Variants in GALNT17 observed in about 807,000 individuals in gnomAD.
GALNT17 encodes polypeptide N-acetylgalactosaminyltransferase 17.
A neutral mutation model predicts 63.7 loss-of-function variants in GALNT17; 29 were observed. The observed-to-expected ratio is 0.46, with a 90% CI of 0.34 to 0.62. GALNT17 has a LOEUF of 0.62. GALNT17 is among the 20% of genes least tolerant of loss of function. GALNT17 has a pLI of 0.01. For missense variants in GALNT17, 603 were observed against 799.6 expected, an observed-to-expected ratio of 0.75 and a Z score of 2.97; for synonymous variants, 305 against 318.3, an observed-to-expected ratio of 0.96 and a Z score of 0.45.
chr7:71,145,354 G>A (rs1368244600), intron 1 of GALNT17, among the ~76,000 whole-genome samples: 2 of 152,094 alleles, frequency 1.3e-5, no homozygotes, highest in Non-Finnish European at 1.5e-5. Flanking sequence ...AACCTAGCTG[G>A]GCATGGTGGT....
chr7:71,453,543 C>T (rs1005873314), intron 5 of GALNT17, among the ~76,000 whole-genome samples: 1 of 152,130 alleles, frequency 6.6e-6, no homozygotes, highest in Non-Finnish European at 1.5e-5. Context: ...TTGGGGGAAA[C>T]TTCCCCCATG....
At chr7:71,270,878 A>G (rs1264413480) in intron 1 of GALNT17, among the ~76,000 whole-genome samples, 1 of 152,080 alleles carries the variant, frequency 6.6e-6, no homozygotes, top group Non-Finnish European at 1.5e-5. Flanking sequence ...TAATTTAAGT[A>G]ATTTAAATTC....
chr7:71,351,323 T>C (rs1792185484), intron 2 of GALNT17, among the ~76,000 whole-genome samples: 1 of 152,030 alleles, frequency 6.6e-6, no homozygotes, highest in African/African-American at 2.4e-5. Context: ...CCATAGCATG[T>C]GGGATTGTGG....
At chr7:71,331,070 G>A (rs1231057693) in intron 1 of GALNT17, among the ~76,000 whole-genome samples, 2 of 152,056 alleles carry the variant, frequency 1.3e-5, no homozygotes, top group South Asian at 2.1e-4. Flanking sequence ...GATGTCCCAC[G>A]GATGCCTCGT....
chr7:71,231,875 C>T (rs889723272), intron 1 of GALNT17, among the ~76,000 whole-genome samples: 1 of 151,886 alleles, frequency 6.6e-6, no homozygotes, highest in Non-Finnish European at 1.5e-5. Flanking sequence ...TAATTACCTC[C>T]CAAAGGCCCC....
chr7:71,143,878 T>TA (rs373113522), intron 1 of GALNT17, among the ~76,000 whole-genome samples: 73 of 142,422 alleles, frequency 5.1e-4, no homozygotes, highest in South Asian at 2.0e-3. Context: ...CATCTCTATT[T>TA]AAAAAAAAAA....
chr7:71,561,001 T>C (rs1789246226), intron 5 of GALNT17, among the ~76,000 whole-genome samples: 1 of 152,062 alleles, frequency 6.6e-6, no homozygotes, highest in Admixed American at 6.6e-5. Context: ...TGCACTGAAA[T>C]GAGTGAATTT....
intron 2 of GALNT17, among the ~76,000 whole-genome samples, chr7:71,381,250 C>A (rs1792842350): frequency 6.6e-6 from 1 of 152,054 alleles, no homozygotes; most frequent in African/African-American, 2.4e-5. Flanking sequence ...CGTGAGCCAC[C>A]ACGCCTGGCT....
chr7:71,473,618 T>C (rs58520021), intron 5 of GALNT17, among the ~76,000 whole-genome samples: 30,373 of 151,916 alleles, frequency 0.2, 3,926 homozygotes, highest in East Asian at 0.55. Flanking sequence ...TGGGGCATAA[T>C]GAGGCTTGTC....
intron 1 of GALNT17, among the ~76,000 whole-genome samples, chr7:71,275,717 G>A (rs1021107739): frequency 7.2e-5 from 11 of 152,202 alleles, no homozygotes; most frequent in African/African-American, 2.4e-4. Context: ...TTTTGGGATA[G>A]GAAGGAGAGA....
intron 8 of GALNT17, among the ~76,000 whole-genome samples, chr7:71,675,195 TA>T (rs1482240315): frequency 6.6e-6 from 1 of 150,898 alleles, no homozygotes; most frequent in Middle Eastern, 3.2e-3. Flanking sequence ...AAATAAAAAA[TA>T]AAAAAGAAGC....
At chr7:71,583,257 G>A (rs545435111) in intron 6 of GALNT17, among the ~76,000 whole-genome samples, 4 of 152,100 alleles carry the variant, frequency 2.6e-5, no homozygotes, top group Non-Finnish European at 5.9e-5. Flanking sequence ...ACCACGCCCG[G>A]CTAATTTTTT....
intron 5 of GALNT17, among the ~76,000 whole-genome samples, chr7:71,555,387 A>G (rs117943688): frequency 0.05 from 7,560 of 151,272 alleles, 255 homozygotes; most frequent in Non-Finnish European, 0.074. Flanking sequence ...AACAGAGGTC[A>G]TTTTTCAAGA....
intron 1 of GALNT17, among the ~76,000 whole-genome samples, chr7:71,279,740 A>G (rs949422632): frequency 6.6e-6 from 1 of 150,758 alleles, no homozygotes; most frequent in Non-Finnish European, 1.5e-5. Context: ...AGGGTCTTTG[A>G]TAGAGGCATG....
intron 1 of GALNT17, among the ~76,000 whole-genome samples, chr7:71,150,011 T>C (rs1481030953): frequency 6.6e-6 from 1 of 152,154 alleles, no homozygotes; most frequent in East Asian, 1.9e-4. Flanking sequence ...CCTCAGAGGT[T>C]GTGTGTCATT....
chr7:71,431,869 A>G (rs1250712663), intron 5 of GALNT17, among the ~76,000 whole-genome samples: 1 of 152,172 alleles, frequency 6.6e-6, no homozygotes, highest in African/African-American at 2.4e-5. Flanking sequence ...GTTAATGATG[A>G]AAAGATACAG....
chr7:71,173,135 C>T (rs992929524), intron 1 of GALNT17, among the ~76,000 whole-genome samples: 2 of 152,198 alleles, frequency 1.3e-5, no homozygotes, highest in African/African-American at 4.8e-5. Context: ...TGGACACTGA[C>T]ATGCCTGTTC....
chr7:71,348,466 T>C (rs1792133653), intron 2 of GALNT17, among the ~76,000 whole-genome samples: 1 of 152,178 alleles, frequency 6.6e-6, no homozygotes, highest in African/African-American at 2.4e-5. Context: ...CTAGAGAGCT[T>C]TCTGGACAAG....
At chr7:71,554,887 C>T (rs1399582346) in intron 5 of GALNT17, among the ~76,000 whole-genome samples, 1 of 152,162 alleles carries the variant, frequency 6.6e-6, no homozygotes, top group Non-Finnish European at 1.5e-5. Flanking sequence ...TTGCATTGCT[C>T]TAAAAGAATA....
Sources: gnomAD v4.1 joint callset for allele counts (sites outside exome capture counted in the v4.1 genomes callset) on GRCh38, gnomAD v4.1.1 for gene constraint, MANE v1.5 for transcripts, NCBI Gene and HGNC (gene_info 2026-07-23, HGNC 2026-07-21) for gene names.